SLC5A4: variants seen among roughly 807,000 people sequenced by gnomAD.
SLC5A4 encodes the protein probable glucose sensor protein SLC5A4.
SLC5A4 carries 55 observed loss-of-function variants against 70.3 expected under a neutral mutation model. That is an observed-to-expected ratio of 0.78 (90% CI 0.63 to 0.98). The LOEUF (loss-of-function observed/expected upper bound fraction) is 0.98, where lower values mean the gene tolerates loss of function less well. SLC5A4 is among the 50% of genes least tolerant of loss of function. The pLI is 0.00. For synonymous variants in SLC5A4, 268 were observed against 305.7 expected (o/e 0.88, Z 1.29); for missense variants, 735 against 839.2 (o/e 0.88, Z 1.53).
chr22:32,284,833 T>A, the SLC5A4 span: 1 of 152,190 alleles, frequency 6.6e-6, no homozygotes, highest in African/African-American at 2.4e-5. Flanking sequence ...CTTGATCATG[T>A]GGCCATGAAA....
chr22:32,252,306 A>G (rs1927219565), intron 2 of SLC5A4, among the ~76,000 whole-genome samples: 1 of 152,148 alleles, frequency 6.6e-6, no homozygotes, highest in Non-Finnish European at 1.5e-5. Context: ...AGTCAAGCAA[A>G]CAATGGCCCC....
chr22:32,254,256 T>C, intron 1 of SLC5A4, 43 bp from the exon 2 acceptor site: 1 of 1,476,414 alleles, frequency 6.8e-7, no homozygotes. Flanking sequence ...CCCCAGCAAG[T>C]GCACCCAGAC....
chr22:32,247,360 C>A, intron 5 of SLC5A4, 51 bp downstream of exon 5: 2 of 1,081,602 alleles, frequency 1.8e-6, no homozygotes, highest in South Asian at 1.3e-5. Context: ...GCACTCTGGC[C>A]CCATCTGACC....
the SLC5A4 span, chr22:32,271,372 G>T: frequency 1.7e-5 from 13 of 744,544 alleles, no homozygotes; most frequent in Non-Finnish European, 3.1e-5. Context: ...CTGGGCAGCC[G>T]CCAGAGCACA....
the SLC5A4 span, chr22:32,270,158 C>T: frequency 2.0e-4 from 124 of 629,210 alleles, 1 homozygote; most frequent in African/African-American, 1.7e-3. Context: ...TGTACGGCAG[C>T]GACGCCCAGT....
the SLC5A4 span, among the ~76,000 whole-genome samples, chr22:32,309,851 G>C: frequency 6.7e-6 from 1 of 149,020 alleles, no homozygotes; most frequent in South Asian, 2.2e-4. Flanking sequence ...GCTGTGGCTG[G>C]CTGCACTCTG....
At chr22:32,229,417 G>A in intron 10 of SLC5A4, 73 bp from the exon 11 acceptor site, 1 of 1,505,014 alleles carries the variant, frequency 6.6e-7, no homozygotes, top group Admixed American at 1.9e-5. Flanking sequence ...AGGGTTGAAA[G>A]GTTAAAAGTA....
At chr22:32,341,371 G>C in the SLC5A4 span, among the ~76,000 whole-genome samples, 3 of 152,214 alleles carry the variant, frequency 2.0e-5, no homozygotes, top group African/African-American at 7.2e-5. Flanking sequence ...CTGTGGGGCA[G>C]AGGACCCAGG....
the SLC5A4 span, among the ~76,000 whole-genome samples, chr22:32,302,629 G>A: frequency 2.0e-4 from 30 of 152,166 alleles, no homozygotes; most frequent in Non-Finnish European, 2.8e-4. Flanking sequence ...AACCAATTTG[G>A]CAAATATGTG....
At chr22:32,293,631 G>A in the SLC5A4 span, among the ~76,000 whole-genome samples, 72,480 of 151,468 alleles carry the variant, frequency 0.48, 17,454 homozygotes, top group Admixed American at 0.51. Flanking sequence ...AAACCCATGA[G>A]ACATTATTAC....
chr22:32,300,544 C>A, the SLC5A4 span, among the ~76,000 whole-genome samples: 5 of 151,036 alleles, frequency 3.3e-5, no homozygotes, highest in Admixed American at 6.6e-5. Context: ...CACCCACTGA[C>A]CTGCGCCCAC....
chr22:32,288,694 G>T, the SLC5A4 span, among the ~76,000 whole-genome samples: 1 of 151,946 alleles, frequency 6.6e-6, no homozygotes, highest in East Asian at 1.9e-4. Context: ...TTACAGGCAT[G>T]CACCACCACG....
At chr22:32,292,591 T>A in the SLC5A4 span, among the ~76,000 whole-genome samples, 1 of 151,218 alleles carries the variant, frequency 6.6e-6, no homozygotes. Context: ...GTGAGAAATA[T>A]GGTAGAAAAT....
chr22:32,222,037 G>A (rs1224805043), intron 13 of SLC5A4, among the ~76,000 whole-genome samples: 2 of 152,204 alleles, frequency 1.3e-5, no homozygotes, highest in Non-Finnish European at 2.9e-5. Context: ...GATGACAGGC[G>A]TGAGCCACTG....
the SLC5A4 span, among the ~76,000 whole-genome samples, chr22:32,305,995 C>T: frequency 6.6e-6 from 1 of 152,140 alleles, no homozygotes; most frequent in Admixed American, 6.5e-5. Context: ...CCAGTTCCCC[C>T]TAACACCACC....
At position 32,239,225 on chromosome 22, in the gene SLC5A4, G is replaced by A. The variant is rs1287582458; in HGVS notation, c.478-135C>T. On this transcript the variant is annotated intron_variant, in intron 5 of 14. Transcript: ENST00000266086. The stretch of plus-strand genomic sequence containing the variant: ...TACCCTTCAAGAATCCACTGAGATG[G>A]CCCCAGAGTAATACCTTCCATAAAG... 13 of 682,792 alleles carry A rather than the reference G, an allele frequency of 1.9e-5. No homozygotes were observed. In the South Asian group the frequency reaches 2.2e-4, roughly 11 times the overall value. 42.3% of individuals were successfully genotyped at this position (682,792 alleles called of 1,614,324 possible). A position where few individuals can be genotyped will look rare whatever the true frequency, so the allele number is the denominator to read the frequency against.
At chr22:32,248,088 T>A (rs1926935094) in intron 4 of SLC5A4, among the ~76,000 whole-genome samples, 1 of 152,152 alleles carries the variant, frequency 6.6e-6, no homozygotes, top group Non-Finnish European at 1.5e-5. Flanking sequence ...ACTGGAAACC[T>A]CTCTAGGCAA....
At chr22:32,231,157 G>T in intron 9 of SLC5A4, 82 bp from the exon 10 acceptor site, 2 of 818,240 alleles carry the variant, frequency 2.4e-6, no homozygotes, top group Non-Finnish European at 4.2e-6. Flanking sequence ...AAAGTTGAAA[G>T]ATCATAAGGA....
At chr22:32,258,815 A>T (rs1307064325), upstream of SLC5A4, among the ~76,000 whole-genome samples, 1 of 152,244 alleles carries the variant, frequency 6.6e-6, no homozygotes, top group East Asian at 1.9e-4. Flanking sequence ...AAGATACAGA[A>T]ACAACCTAAT....
Sources: gnomAD v4.1 joint callset for allele counts (sites outside exome capture counted in the v4.1 genomes callset) on GRCh38, gnomAD v4.1.1 for gene constraint, MANE v1.5 for transcripts, NCBI Gene and HGNC (gene_info 2026-07-23, HGNC 2026-07-21) for gene names.